Variants in NRK observed in about 807,000 individuals in gnomAD.
NRK encodes nik-related protein kinase.
A neutral mutation model predicts 125.2 loss-of-function variants in NRK; 67 were observed. The ratio of observed to expected loss-of-function variants is 0.54; its 90% confidence interval spans 0.44 to 0.66. The LOEUF is 0.66. Ranked by LOEUF, NRK falls within the 30% of genes least tolerant of loss-of-function variation. The pLI, the probability that NRK is intolerant of heterozygous loss-of-function variation, is 0.00. For synonymous variants in NRK, 458 were observed against 429.0 expected, an observed-to-expected ratio of 1.07 and a Z score of -0.84; for missense variants, 1,224 against 1,192.9, an observed-to-expected ratio of 1.03 and a Z score of -0.38.
At position 105,939,996 on chromosome X, in the gene NRK, A is replaced by G. The variant is rs774077795; in HGVS notation, c.3922A>G (p.Ile1308Val). ...GAAGACAGAGGAAGCCTGCAAAGCTATTGATAAGTTAACAGGCTGTGAACA... is the reference window on the plus strand; with the variant it reads ...GAAGACAGAGGAAGCCTGCAAAGCTGTTGATAAGTTAACAGGCTGTGAACA... ...MLKTEEACKA[I>V]DKLTGCEHFS... is the part of the protein sequence containing the mutation. The change falls in exon 23 of 29, where the codon ATT becomes GTT. Residue 1308 changes from isoleucine to valine, a missense_variant. Coordinates refer to ENST00000243300, the MANE Select transcript of NRK (RefSeq NM_198465.4). 1.7e-6 allele frequency: 2 copies of G among 1,189,489 alleles called. No individual in the cohort carries two copies. The highest frequency in any genetic ancestry group is 3.7e-5 in the South Asian group (2 of 54,402).
rs756094654 is a variant in NRK, at chrX:105,908,958, A to G, written c.1317A>G (p.Leu439=). The change falls in exon 13 of 29, where the codon CTA becomes CTG. Residue 439 remains leucine, a synonymous_variant. Transcript: ENST00000243300. ...LKGQAQAPQR[L]QGAARVFMPL... is the part of the protein sequence containing the mutation. ...GGCAGGCTCAGGCACCTCAACGACT[A>G]CAAGGGGCAGCTCGGGTGTTCATGC... The G allele has an allele frequency of 8.3e-7, 1 of 1,207,719 alleles. No homozygotes were observed. The highest frequency in any genetic ancestry group is 1.8e-5 in the African/African-American group (1 of 56,947).
intron 9 of NRK, among the ~76,000 whole-genome samples, chrX:105,904,854 A>G (rs2040201379): frequency 8.9e-6 from 1 of 111,773 alleles, no homozygotes; most frequent in African/African-American, 3.2e-5. Flanking sequence ...TTGTTCTTTA[A>G]ATATTATTGT....
In NRK at chrX:105,835,146, G is replaced by A. The variant is rs187735744; in HGVS notation, c.123+4027G>A. ...TAAATAGTATTTATTTCTTGAAATG[G>A]GCACACTTTTTCAGCTAGGTTGTTT... On this transcript the variant is annotated intron_variant, in intron 2 of 28. Coordinates refer to ENST00000243300, the MANE Select transcript of NRK (RefSeq NM_198465.4). Among the ~76,000 whole-genome samples the A allele has an allele frequency of 3.6e-5, 4 of 111,061 alleles. No homozygotes were observed. In the East Asian group the frequency reaches 8.5e-4, roughly 24 times the overall value.
In NRK at chrX:105,822,763, C is replaced by T; in HGVS notation, c.-83C>T. 1.1e-6 allele frequency: 1 copy of T among 911,714 alleles called. No individual in the cohort carries two copies. The highest frequency in any genetic ancestry group is 1.9e-5 in the African/African-American group (1 of 51,618). The allele number at this position is 911,714 out of a possible 1,213,427, so 75.1% of individuals were successfully genotyped here. On this transcript the variant is annotated 5_prime_UTR_variant, in exon 1 of 29. Coordinates refer to ENST00000243300, the MANE Select transcript of NRK (RefSeq NM_198465.4). ...CCCGCCCTCCTCCTTCCTCTCTCCT[C>T]CCTTCAACTCTTCATCCGCTTCCAC...
At chrX:105,863,457 C>T (rs771406257) in intron 2 of NRK, among the ~76,000 whole-genome samples, 1 of 111,040 alleles carries the variant, frequency 9.0e-6, no homozygotes, top group East Asian at 2.8e-4. Flanking sequence ...TAATCTTTTC[C>T]ACTTTCATTA....
At chrX:105,864,558 C>T (rs2039645806) in intron 2 of NRK, among the ~76,000 whole-genome samples, 2 of 111,258 alleles carry the variant, frequency 1.8e-5, no homozygotes, top group Non-Finnish European at 3.8e-5. Context: ...ATATATACAT[C>T]TTAAGTAAAA....
chrX:105,921,909 T>G, intron 16 of NRK, 55 bp from the exon 17 acceptor site: 1 of 569,810 alleles, frequency 1.8e-6, no homozygotes, highest in Non-Finnish European at 3.0e-6. Context: ...ACTATACATA[T>G]GAAGGCAATG....
At chrX:105,843,105 T>G (rs2039350456) in intron 2 of NRK, among the ~76,000 whole-genome samples, 1 of 111,787 alleles carries the variant, frequency 8.9e-6, no homozygotes, top group Non-Finnish European at 1.9e-5. Flanking sequence ...CCTAGTAAAG[T>G]GCATTGTACA....
chrX:105,881,517 A>G (rs2039883878), intron 3 of NRK, among the ~76,000 whole-genome samples, 191 bp from the exon 4 acceptor site: 2 of 112,148 alleles, frequency 1.8e-5, no homozygotes, highest in South Asian at 3.7e-4. Flanking sequence ...ATCTACTACC[A>G]TGAATTTGTT....
At chrX:105,834,867 C>T (rs990260059) in intron 2 of NRK, among the ~76,000 whole-genome samples, 1 of 110,938 alleles carries the variant, frequency 9.0e-6, no homozygotes, top group Non-Finnish European at 1.9e-5. Flanking sequence ...AGCATTTCTA[C>T]CTGACTCTTT....
intron 26 of NRK, among the ~76,000 whole-genome samples, chrX:105,946,730 T>C (rs1302840335): frequency 8.9e-6 from 1 of 111,774 alleles, no homozygotes; most frequent in African/African-American, 3.2e-5. Context: ...GAATAAAGTT[T>C]ACACTTAAAC....
At chrX:105,899,252 C>A (rs2040124728) in intron 8 of NRK, among the ~76,000 whole-genome samples, 1 of 111,849 alleles carries the variant, frequency 8.9e-6, no homozygotes, top group East Asian at 2.8e-4. Flanking sequence ...ACTGAAACTG[C>A]AATTTGAACA....
chrX:105,886,425 A>G (rs2039945362), intron 4 of NRK, among the ~76,000 whole-genome samples: 1 of 104,699 alleles, frequency 9.6e-6, no homozygotes. Context: ...ATACATAATT[A>G]TATATTATAT....
At chrX:105,939,848 A>G (rs1401323188) in intron 22 of NRK, 26 bp from the exon 23 acceptor site, 1 of 939,594 alleles carries the variant, frequency 1.1e-6, no homozygotes, top group Non-Finnish European at 1.5e-6. Flanking sequence ...CTGATTTTAA[A>G]TACTGTATAT....
chrX:105,843,606 T>G (rs2039357016), intron 2 of NRK, among the ~76,000 whole-genome samples: 1 of 112,242 alleles, frequency 8.9e-6, no homozygotes, highest in Non-Finnish European at 1.9e-5. Flanking sequence ...TATTACTTTC[T>G]GCTGAATGAG....
At chrX:105,941,861 A>G (rs1204676959) in intron 23 of NRK, among the ~76,000 whole-genome samples, 1 of 110,624 alleles carries the variant, frequency 9.0e-6, no homozygotes, top group Non-Finnish European at 1.9e-5. Context: ...TCTAATTTTT[A>G]TCATCCCCAA....
chrX:105,870,887 T>G (rs2039737671), intron 2 of NRK, among the ~76,000 whole-genome samples: 1 of 111,860 alleles, frequency 8.9e-6, no homozygotes, highest in African/African-American at 3.3e-5. Flanking sequence ...TGTTGGATTA[T>G]TCTGGTGATT....
chrX:105,919,235 G>A (rs748583845), intron 16 of NRK, among the ~76,000 whole-genome samples: 11 of 110,576 alleles, frequency 9.9e-5, no homozygotes, highest in African/African-American at 3.6e-4. Flanking sequence ...AGGGACCTGA[G>A]TTTTCTCTTA....
Position 105,880,204 on chromosome X carries a change from T to C in NRK, c.129T>C (p.Leu43=), listed in dbSNP as rs2039868091. The change falls in exon 3 of 29, where the codon CTT becomes CTC. Residue 43 remains leucine (L), a synonymous_variant. Coordinates refer to ENST00000243300, the MANE Select transcript of NRK (RefSeq NM_198465.4). ...LGTYGRIYLG[L]HEKTGAFTAV... is the part of the protein sequence containing the mutation. ...ATCACTATCCTGTATTTCAGGGACT[T>C]CATGAGAAGACTGGTGCATTTACAG... 2 of 1,065,161 alleles carry C rather than the reference T, an allele frequency of 1.9e-6. No homozygotes were observed. The highest frequency in any genetic ancestry group is 1.9e-5 in the African/African-American group (1 of 53,188). 87.8% of individuals were successfully genotyped at this position (1,065,161 alleles called of 1,213,427 possible). A position where few individuals can be genotyped will look rare whatever the true frequency, so the allele number is the denominator to read the frequency against.
Sources: gnomAD v4.1 joint callset for allele counts (sites outside exome capture counted in the v4.1 genomes callset) on GRCh38, gnomAD v4.1.1 for gene constraint, MANE v1.5 for transcripts, NCBI Gene and HGNC (gene_info 2026-07-23, HGNC 2026-07-21) for gene names.